Variants in CADPS2 observed in about 807,000 individuals in gnomAD.
The protein encoded by CADPS2 is calcium dependent secretion activator 2, also known as calcium-dependent secretion activator 2.
CADPS2 carries 93 observed loss-of-function variants against 172.5 expected under a neutral mutation model. That is an observed-to-expected ratio of 0.54 (90% CI 0.46 to 0.64). CADPS2 has a LOEUF of 0.64. Among genes scored for constraint, CADPS2 ranks in the 30% least tolerant of loss-of-function variants. The pLI, the probability that CADPS2 is intolerant of heterozygous loss-of-function variation, is 0.00. For synonymous variants in CADPS2, 546 were observed against 555.2 expected, an observed-to-expected ratio of 0.98 and a Z score of 0.23; for missense variants, 1,420 against 1,565.9, an observed-to-expected ratio of 0.91 and a Z score of 1.57.
intron 1 of CADPS2, among the ~76,000 whole-genome samples, chr7:122,772,056 CTGG>C (rs2093720734): frequency 6.6e-6 from 1 of 152,122 alleles, no homozygotes; most frequent in Non-Finnish European, 1.5e-5. Context: ...AGTGTTAGAA[CTGG>C]TTTTGAGCTA....
At chr7:122,473,029 T>C (rs1044269894) in intron 13 of CADPS2, among the ~76,000 whole-genome samples, 13 of 152,238 alleles carry the variant, frequency 8.5e-5, no homozygotes, top group South Asian at 6.2e-4. Flanking sequence ...TCCAAAATAT[T>C]TGAGCATCTG....
At chr7:122,669,268 T>A (rs1324966060) in intron 2 of CADPS2, among the ~76,000 whole-genome samples, 2 of 151,428 alleles carry the variant, frequency 1.3e-5, no homozygotes, top group African/African-American at 4.9e-5. Flanking sequence ...AAGCTGGAGG[T>A]TGTAGTGAGC....
rs988953750 is a variant in CADPS2, at chr7:122,471,695, T to C, written c.1999-133A>G. 5 of 750,954 alleles carry C rather than the reference T, an allele frequency of 6.7e-6. No individual in the cohort carries two copies. The African/African-American group carries it at 7.2e-5, about 11-fold the overall frequency. 46.5% of individuals were successfully genotyped at this position (750,954 alleles called of 1,614,324 possible). On this transcript the variant is annotated intron_variant, in intron 13 of 29. Coordinates refer to ENST00000449022, the MANE Select transcript of CADPS2 (RefSeq NM_017954.11). ...CTTGACATTTATTTTATTAGTGGTA[T>C]GTTTCATGAAGAGCTAATGTCATCA...
intron 2 of CADPS2, among the ~76,000 whole-genome samples, chr7:122,692,203 A>G (rs934913852): frequency 2.6e-5 from 4 of 152,116 alleles, no homozygotes; most frequent in African/African-American, 4.8e-5. Context: ...GACTGCCGAC[A>G]TTACTTGCTT....
intron 2 of CADPS2, among the ~76,000 whole-genome samples, chr7:122,706,789 C>CAT (rs201867666): frequency 0.014 from 1,958 of 144,818 alleles, 45 homozygotes; most frequent in African/African-American, 0.043. Context: ...TGTGTACATA[C>CAT]ATATATATAT....
intron 2 of CADPS2, among the ~76,000 whole-genome samples, chr7:122,680,952 C>A (rs377196172): frequency 0.12 from 18,779 of 150,368 alleles, 1,553 homozygotes; most frequent in Non-Finnish European, 0.19. Context: ...TGCAGCCATA[C>A]AAAATGATGA....
At chr7:122,820,087 C>T (rs1802695112) in intron 1 of CADPS2, among the ~76,000 whole-genome samples, 4 of 152,138 alleles carry the variant, frequency 2.6e-5, no homozygotes, top group Admixed American at 2.6e-4. Context: ...AATTGTTTTG[C>T]CTATCCACCC....
chr7:122,721,717 C>G (rs886179351), intron 2 of CADPS2, among the ~76,000 whole-genome samples: 1 of 152,074 alleles, frequency 6.6e-6, no homozygotes, highest in Admixed American at 6.6e-5. Flanking sequence ...GATACCAAAG[C>G]CTGGCAGAGA....
intron 2 of CADPS2, among the ~76,000 whole-genome samples, chr7:122,689,582 A>T (rs2084064670): frequency 6.6e-6 from 1 of 152,190 alleles, no homozygotes; most frequent in African/African-American, 2.4e-5. Flanking sequence ...GTAGGTGACC[A>T]GGCAATGTGG....
intron 1 of CADPS2, among the ~76,000 whole-genome samples, chr7:122,880,982 C>T (rs926017248): frequency 6.6e-6 from 1 of 152,162 alleles, no homozygotes; most frequent in Admixed American, 6.5e-5. Context: ...TCTTCCTTCA[C>T]AAAGGTCTCA....
chr7:122,551,454 T>C (rs2064281618), intron 8 of CADPS2, among the ~76,000 whole-genome samples: 2 of 152,072 alleles, frequency 1.3e-5, no homozygotes, highest in South Asian at 4.1e-4. Flanking sequence ...ATAAATAACA[T>C]TGATAAAAAT....
intron 2 of CADPS2, among the ~76,000 whole-genome samples, chr7:122,701,289 A>C (rs2086032109): frequency 6.6e-6 from 1 of 152,218 alleles, no homozygotes; most frequent in Admixed American, 6.5e-5. Flanking sequence ...TGTCCTTTGT[A>C]GGGACATGGA....
intron 1 of CADPS2, among the ~76,000 whole-genome samples, chr7:122,871,471 AC>A (rs1819741882): frequency 6.6e-6 from 1 of 151,520 alleles, no homozygotes; most frequent in Non-Finnish European, 1.5e-5. Context: ...ATTCCCCCCC[AC>A]AAAAAAAAAA....
At chr7:122,630,406 A>G (rs1364858241) in intron 3 of CADPS2, among the ~76,000 whole-genome samples, 1 of 151,948 alleles carries the variant, frequency 6.6e-6, no homozygotes. Flanking sequence ...AGATGTTCCT[A>G]TAAAAGAACA....
chr7:122,618,257 T>C (rs1389768652), intron 5 of CADPS2, among the ~76,000 whole-genome samples: 6 of 152,152 alleles, frequency 3.9e-5, no homozygotes, highest in African/African-American at 1.2e-4. Flanking sequence ...GGCTGTTTTT[T>C]TGATACCATA....
At chr7:122,878,429 G>C (rs1184689994) in intron 1 of CADPS2, among the ~76,000 whole-genome samples, 2 of 151,740 alleles carry the variant, frequency 1.3e-5, no homozygotes, top group Non-Finnish European at 2.9e-5. Context: ...GAGGTGGGCG[G>C]ATCACAACGT....
At chr7:122,361,441 C>T (rs2040132800) in intron 25 of CADPS2, among the ~76,000 whole-genome samples, 1 of 151,850 alleles carries the variant, frequency 6.6e-6, no homozygotes, top group Admixed American at 6.6e-5. Flanking sequence ...ACCATATTGG[C>T]CAGGCTGGTC....
At chr7:122,840,741 T>A (rs1223230280) in intron 1 of CADPS2, among the ~76,000 whole-genome samples, 1 of 152,060 alleles carries the variant, frequency 6.6e-6, no homozygotes, top group Non-Finnish European at 1.5e-5. Flanking sequence ...CACAAGGAGA[T>A]GCTGTCTCAA....
intron 1 of CADPS2, among the ~76,000 whole-genome samples, chr7:122,861,345 C>T (rs1345425106): frequency 5.3e-5 from 8 of 152,042 alleles, no homozygotes; most frequent in Non-Finnish European, 7.4e-5. Context: ...TGCATTTCCC[C>T]GATAATTAGT....
Sources: gnomAD v4.1 joint callset for allele counts (sites outside exome capture counted in the v4.1 genomes callset) on GRCh38, gnomAD v4.1.1 for gene constraint, MANE v1.5 for transcripts, NCBI Gene and HGNC (gene_info 2026-07-23, HGNC 2026-07-21) for gene names.